The following ASB2 variants were observed in gnomAD, a reference collection of about 807,000 sequenced individuals.
ASB2 encodes the protein ankyrin repeat and SOCS box protein 2.
ASB2 carries 58 observed loss-of-function variants against 62.4 expected under a neutral mutation model. The observed-to-expected ratio is 0.93, with a 90% CI of 0.75 to 1.16. The LOEUF (loss-of-function observed/expected upper bound fraction) is 1.16, where lower values mean the gene tolerates loss of function less well. Ranked by LOEUF, ASB2 falls within the 50% of genes most tolerant of loss-of-function variation. ASB2 has a pLI of 0.00. For synonymous variants in ASB2, 386 were observed against 385.3 expected, an observed-to-expected ratio of 1.00 and a Z score of -0.02; for missense variants, 928 against 887.9, an observed-to-expected ratio of 1.05 and a Z score of -0.57.
intron 3 of ASB2, among the ~76,000 whole-genome samples, chr14:93,956,062 C>T (rs1001642378): frequency 4.6e-5 from 7 of 152,250 alleles, no homozygotes; most frequent in African/African-American, 1.7e-4. Flanking sequence ...CCTCCCTTCT[C>T]TACAACGTAA....
chr14:93,939,054 TC>T (rs1888391089), intron 8 of ASB2, 53 bp downstream of exon 8: 1 of 1,388,348 alleles, frequency 7.2e-7, no homozygotes. Context: ...CGCGCGCGCG[TC>T]CCTGGGCCAC....
At position 93,939,201 on chromosome 14, in the gene ASB2, G is replaced by C; in HGVS notation, c.1524C>G (p.Cys508Trp). 1.2e-6 allele frequency: 2 copies of C among 1,606,454 alleles called. No individual in the cohort carries two copies. The highest frequency in any genetic ancestry group is 1.7e-6 in the Non-Finnish European group (2 of 1,175,184). ...LGCDGEPCFS[C>W]LYGNGPHPPA... Reference sequence around the variant, plus strand: ...GCGGGTGCGGGCCGTTGCCGTAGAGGCATGAGAAGCAGGGCTCGCCGTCGC... The same window carrying C: ...GCGGGTGCGGGCCGTTGCCGTAGAGCCATGAGAAGCAGGGCTCGCCGTCGC... The change falls in exon 8 of 10, where the codon TGC (cysteine) becomes TGG (tryptophan). Residue 508 changes from cysteine to tryptophan, a missense_variant. Physicochemically the swap from Cys to Trp is radical, Grantham distance 215. Transcript: ENST00000555019.
chr14:93,973,158 T>G (rs1362043729), intron 1 of ASB2, among the ~76,000 whole-genome samples: 1 of 152,084 alleles, frequency 6.6e-6, no homozygotes, highest in Non-Finnish European at 1.5e-5. Flanking sequence ...TACATAACCC[T>G]GTAGGAGGTG....
rs765144489 is a variant in ASB2 at position 93,934,768 on chromosome 14, A to C, written c.1796T>G (p.Leu599Arg). ...GGCCTTTCGAACCCGCAGTCGGCAA[A>C]GGTGAGCCAGAGGTCTTGGAGGTTC... ...KAEPPRPLAH[L>R]CRLRVRKAIG... The change falls in exon 10 of 10, where the codon CTT becomes CGT. Residue 599 changes from leucine (L) to arginine (R), a missense_variant. Coordinates refer to ENST00000555019, the MANE Select transcript of ASB2 (RefSeq NM_001202429.2). The C allele has an allele frequency of 6.2e-7, 1 of 1,613,612 alleles. No individual in the cohort carries two copies. Among genetic ancestry groups the C allele is most frequent in the Non-Finnish European group, 8.5e-7 (1 of 1,179,524 alleles).
intron 2 of ASB2, among the ~76,000 whole-genome samples, chr14:93,958,828 AC>A (rs1166976660): frequency 2.0e-5 from 3 of 152,158 alleles, no homozygotes. Context: ...CCACCCTCAT[AC>A]TTAGTGCATG....
intron 7 of ASB2, chr14:93,942,409 C>G: frequency 2.4e-6 from 1 of 412,618 alleles, no homozygotes; most frequent in Non-Finnish European, 5.0e-6. Flanking sequence ...AGGGTCATTC[C>G]AGGAAGACCC....
At position 93,934,486 on chromosome 14, in the gene ASB2, C is replaced by A; in HGVS notation, c.*170G>T. The stretch of plus-strand genomic sequence containing the variant: ...GACACATTCTGTTCTCTGCTCTGGC[C>A]AAAGCTCTGGGCCCTGAGACCCAGT... On this transcript the variant is annotated 3_prime_UTR_variant, in exon 10 of 10. Transcript: ENST00000555019. 1.6e-6 allele frequency: 1 copy of A among 624,010 alleles called. No individual in the cohort carries two copies. The highest frequency in any genetic ancestry group is 2.8e-6 in the Non-Finnish European group (1 of 359,878). The allele number at this position is 624,010 out of a possible 1,614,324, so 38.7% of individuals were successfully genotyped here.
chr14:93,972,506 G>T (rs1024470651), intron 1 of ASB2, among the ~76,000 whole-genome samples: 1 of 152,186 alleles, frequency 6.6e-6, no homozygotes, highest in African/African-American at 2.4e-5. Flanking sequence ...CTAGGGAGAA[G>T]AGTGGTCTTC....
intron 2 of ASB2, 35 bp downstream of exon 2, chr14:93,964,298 TG>T (rs1229291048): frequency 1.3e-6 from 2 of 1,519,906 alleles, no homozygotes; most frequent in African/African-American, 1.4e-5. Flanking sequence ...ATGTCCTGGA[TG>T]GCCCCACTTC....
intron 1 of ASB2, among the ~76,000 whole-genome samples, chr14:93,972,581 G>T (rs1889789708): frequency 6.6e-6 from 1 of 152,232 alleles, no homozygotes; most frequent in South Asian, 2.1e-4. Flanking sequence ...GACCACGTCA[G>T]CCTGCGCCGT....
At chr14:93,965,932 AACAC>A (rs1292229930) in intron 1 of ASB2, among the ~76,000 whole-genome samples, 1 of 152,164 alleles carries the variant, frequency 6.6e-6, no homozygotes, top group Non-Finnish European at 1.5e-5. Context: ...CCCCAGAGAG[AACAC>A]ACCCGGGCAC....
chr14:93,962,667 C>T (rs1453462966), intron 2 of ASB2, among the ~76,000 whole-genome samples: 7 of 152,138 alleles, frequency 4.6e-5, no homozygotes, highest in Non-Finnish European at 7.3e-5. Flanking sequence ...GTCTGGATGC[C>T]GAGGGCCCAC....
chr14:93,939,831 C>T (rs536608397), intron 7 of ASB2, 159 bp from the exon 8 acceptor site: 1 of 531,624 alleles, frequency 1.9e-6, no homozygotes, highest in Non-Finnish European at 3.1e-6. Context: ...CGCGGGTCAA[C>T]CATTCTCACC....
At position 93,951,069 on chromosome 14, in the gene ASB2, G is replaced by A. The variant is rs779600098; in HGVS notation, c.810C>T (p.Tyr270=). The change falls in exon 6 of 10, where the codon TAC becomes TAT. Residue 270 remains tyrosine (Y), a synonymous_variant. Transcript: ENST00000555019. ...CGGCCACGAACAAGGGGGTGATGCC[G>A]TAGGCGTTCTTGGATTCCACCTTGG... The part of the protein sequence containing the change: ...GGAKVESKNA[Y]GITPLFVAAQ... 2.1e-5 allele frequency: 34 copies of A among 1,614,038 alleles called. No individual in the cohort carries two copies. The African/African-American group carries it at 2.7e-4, about 13-fold the overall frequency.
chr14:93,945,305 C>T (rs980692944), intron 7 of ASB2, among the ~76,000 whole-genome samples: 6 of 152,070 alleles, frequency 3.9e-5, no homozygotes, highest in African/African-American at 9.7e-5. Context: ...GACTGATGCC[C>T]GATGATTTGT....
intron 5 of ASB2, among the ~76,000 whole-genome samples, chr14:93,952,343 A>C (rs115340300): frequency 6.6e-6 from 1 of 152,224 alleles, no homozygotes; most frequent in Non-Finnish European, 1.5e-5. Context: ...CTGAGGTTCC[A>C]GGTGATAGCC....
At chr14:93,948,058 G>A (rs1456687452) in intron 6 of ASB2, among the ~76,000 whole-genome samples, 2 of 150,552 alleles carry the variant, frequency 1.3e-5, no homozygotes, top group Non-Finnish European at 2.9e-5. Context: ...GCCTCTGAGA[G>A]GCTACAAGCA....
At position 93,940,008 on chromosome 14, in the gene ASB2, C is replaced by G. The variant is rs534165231; in HGVS notation, c.1053-336G>C. ...AAGTCTGAGTTCTTAAAAACCTCAGCCAGACTGCACTAGGGTTTCAAGAAG... is the reference window on the plus strand; with the variant it reads ...AAGTCTGAGTTCTTAAAAACCTCAGGCAGACTGCACTAGGGTTTCAAGAAG... On this transcript the variant is annotated intron_variant, in intron 7 of 9. Coordinates refer to ENST00000555019, the MANE Select transcript of ASB2 (RefSeq NM_001202429.2). The G allele has an allele frequency of 2.2e-4, 69 of 307,518 alleles. 1 individual carries two copies. In the South Asian group the frequency reaches 9.0e-3, roughly 40 times the overall value. The allele number at this position is 307,518 out of a possible 1,614,324, so 19.0% of individuals were successfully genotyped here.
At chr14:93,968,656 G>A (rs1004764836) in intron 1 of ASB2, among the ~76,000 whole-genome samples, 11 of 152,198 alleles carry the variant, frequency 7.2e-5, no homozygotes, top group African/African-American at 2.4e-4. Flanking sequence ...CAGCCTCTTT[G>A]CCTGCTGCAT....
Sources: allele counts gnomAD v4.1 joint callset (sites outside exome capture counted in the v4.1 genomes callset), GRCh38; gene constraint gnomAD v4.1.1; transcripts MANE v1.5; gene names NCBI Gene and HGNC (gene_info 2026-07-23, HGNC 2026-07-21).